The following CEP78 variants were observed in gnomAD, a reference collection of about 807,000 sequenced individuals.
CEP78 encodes the protein centrosomal protein of 78 kDa.
CEP78 carries 76 observed loss-of-function variants against 81.2 expected under a neutral mutation model. The ratio of observed to expected loss-of-function variants is 0.94; its 90% CI spans 0.78 to 1.13. The LOEUF (loss-of-function observed/expected upper bound fraction) is 1.13. Ranked by LOEUF, CEP78 falls within the 50% of genes most tolerant of loss-of-function variation. CEP78 has a pLI of 0.00. For synonymous variants in CEP78, 293 were observed against 301.4 expected, an observed-to-expected ratio of 0.97 and a Z score of 0.29; for missense variants, 918 against 846.8, an observed-to-expected ratio of 1.08 and a Z score of -1.04.
chr9:78,257,817 T>G (rs1827109293), intron 11 of CEP78, among the ~76,000 whole-genome samples: 1 of 152,162 alleles, frequency 6.6e-6, no homozygotes, highest in African/African-American at 2.4e-5. Context: ...CCAGAACACT[T>G]TTCAATAGTG....
chr9:78,243,126 G>T (rs962023788), intron 4 of CEP78, among the ~76,000 whole-genome samples: 3 of 152,092 alleles, frequency 2.0e-5, no homozygotes, highest in Admixed American at 6.5e-5. Context: ...TGATTTAGAG[G>T]CTCAGCAATG....
At chr9:78,240,438 T>G in intron 3 of CEP78, 74 bp downstream of exon 3, 1 of 1,240,768 alleles carries the variant, frequency 8.1e-7, no homozygotes, top group Non-Finnish European at 1.2e-6. Context: ...TGTTAATTCC[T>G]GTCTGTACCT....
rs138031272 is a variant in CEP78 at position 78,268,327 on chromosome 9, T to C, written c.2107+1624T>C. Among the ~76,000 whole-genome samples the C allele has an allele frequency of 3.3e-5, 5 of 152,220 alleles. No individual in the cohort carries two copies. The East Asian group carries it at 9.7e-4, about 29-fold the overall frequency. ...GCGTTTGAGGAACCACAAACACAAG[T>C]AGTTGAGAGTTACCGAAATGTCATC... On this transcript the variant is annotated intron_variant, in intron 16 of 16. Transcript: ENST00000643273.
chr9:78,250,124 AAAAC>A (rs1250460582), intron 8 of CEP78: 6 of 394,766 alleles, frequency 1.5e-5, no homozygotes, highest in Admixed American at 4.4e-5. Flanking sequence ...ATGAGAATAA[AAAAC>A]AAAAATCTTT....
chr9:78,269,888 G>T (rs1827653967), intron 16 of CEP78, among the ~76,000 whole-genome samples: 2 of 152,192 alleles, frequency 1.3e-5, no homozygotes, highest in East Asian at 3.9e-4. Flanking sequence ...TATGCAGCAG[G>T]ATCTCAGACA....
chr9:78,236,135 G>C lies in CEP78; in HGVS notation c.-216G>C. 1.8e-6 allele frequency: 1 copy of C among 550,234 alleles called. No homozygotes were observed. The highest frequency in any genetic ancestry group is 2.2e-5 in the South Asian group (1 of 45,662). The allele number at this position is 550,234 out of a possible 1,614,324, so 34.1% of individuals were successfully genotyped here. ...GGGCGCCAACTGCTTGGGCCGCAGG[G>C]CGGGAGGCAGCGCGGGAGTGGGGCG... On this transcript the variant is annotated 5_prime_UTR_variant, in exon 1 of 17. Coordinates refer to ENST00000643273, the MANE Select transcript of CEP78 (RefSeq NM_001330691.3).
chr9:78,247,591 A>T (rs1488373858), intron 6 of CEP78, among the ~76,000 whole-genome samples: 1 of 152,130 alleles, frequency 6.6e-6, no homozygotes, highest in Non-Finnish European at 1.5e-5. Context: ...ATGAGCTGAA[A>T]ACCATGGGAG....
intron 9 of CEP78, among the ~76,000 whole-genome samples, chr9:78,252,558 G>T (rs777044117): frequency 6.6e-6 from 1 of 152,138 alleles, no homozygotes; most frequent in Non-Finnish European, 1.5e-5. Context: ...TGTCAGAAAA[G>T]TCTTTTAAAA....
intron 5 of CEP78, among the ~76,000 whole-genome samples, chr9:78,245,608 C>T (rs930196501): frequency 3.9e-5 from 6 of 152,136 alleles, no homozygotes; most frequent in East Asian, 1.9e-4. Context: ...ATGGTATACA[C>T]GTGCTTTTGC....
At position 78,246,695 on chromosome 9, in the gene CEP78, A is replaced by T. The variant is rs1826501109; in HGVS notation, c.805A>T (p.Thr269Ser). 2 of 1,610,300 alleles carry T rather than the reference A, an allele frequency of 1.2e-6. No homozygotes were observed. The highest frequency in any genetic ancestry group is 1.7e-6 in the Non-Finnish European group (2 of 1,178,278). The change falls in exon 6 of 17, where the codon ACC (threonine) becomes TCC (serine). Residue 269 changes from threonine to serine, a missense_variant. Thr to Ser is a moderately conservative substitution (Grantham distance 58). Coordinates refer to ENST00000643273, the MANE Select transcript of CEP78 (RefSeq NM_001330691.3). ...RALDLQQCGL[T>S]NEGAKALLEA... Reference sequence around the variant, plus strand: ...TCTTGACCTGCAACAGTGCGGCCTCACCAATGAAGGAGCAAAGGCTTTGCT... The same window carrying T: ...TCTTGACCTGCAACAGTGCGGCCTCTCCAATGAAGGAGCAAAGGCTTTGCT...
intron 11 of CEP78, among the ~76,000 whole-genome samples, chr9:78,260,285 C>G (rs963091807): frequency 3.3e-5 from 5 of 152,098 alleles, no homozygotes; most frequent in Non-Finnish European, 5.9e-5. Context: ...GAGAACAAAA[C>G]CTTCATGCTT....
intron 5 of CEP78, among the ~76,000 whole-genome samples, chr9:78,245,153 TAGTC>T (rs1470863730): frequency 5.9e-5 from 9 of 151,920 alleles, no homozygotes; most frequent in Admixed American, 2.0e-4. Context: ...TGTGGTGTCT[TAGTC>T]AGTTAGGGCT....
At chr9:78,252,141 G>A in intron 9 of CEP78, 98 bp downstream of exon 9, 1 of 1,108,364 alleles carries the variant, frequency 9.0e-7, no homozygotes, top group Non-Finnish European at 1.2e-6. Context: ...GCTTATGTCT[G>A]TAGGGTAAAA....
rs184772664 is a variant in CEP78 at position 78,262,122 on chromosome 9, C to T, written c.1381-785C>T. ...CTTATGGACCATCTCCCAAGAAAAACGACCATTCATTAACTCTGGTTAAGA... is the reference window on the plus strand; with the variant it reads ...CTTATGGACCATCTCCCAAGAAAAATGACCATTCATTAACTCTGGTTAAGA... On this transcript the variant is annotated intron_variant, in intron 11 of 16. Transcript: ENST00000643273. 2.5e-3 allele frequency among the ~76,000 whole-genome samples: 384 copies of T among 152,102 alleles called. 2 individuals carry two copies. The highest frequency in any genetic ancestry group is 8.6e-3 in the African/African-American group (357 of 41,494).
chr9:78,256,538 T>A (rs987140540), intron 11 of CEP78, among the ~76,000 whole-genome samples: 11 of 143,284 alleles, frequency 7.7e-5, no homozygotes, highest in African/African-American at 2.6e-4. Flanking sequence ...TTTTTTTTTT[T>A]TTTTTTTTTT....
rs201701951 is a variant in CEP78 at position 78,243,491 on chromosome 9, C to G, written c.633C>G (p.Thr211=). The G allele has an allele frequency of 5.5e-5, 88 of 1,612,902 alleles. No homozygotes were observed. Among genetic ancestry groups the G allele is most frequent in the South Asian group, 1.9e-4 (17 of 90,922 alleles). ...AGACCATGAGAAGGCATGAAGAAAC[C>G]TGGGCTGAGAGTCTTCGCTATAGGA... ...KYQTMRRHEE[T]WAESLRYRRP... The change falls in exon 5 of 17, where the codon ACC becomes ACG. Residue 211 remains threonine (T), a synonymous_variant. Coordinates refer to ENST00000643273, the MANE Select transcript of CEP78 (RefSeq NM_001330691.3).
Position 78,270,894 on chromosome 9 carries a change from G to C in CEP78, c.*43G>C, listed in dbSNP as rs2118527040. 1.5e-6 allele frequency: 1 copy of C among 664,624 alleles called. No homozygotes were observed. The highest frequency in any genetic ancestry group is 1.7e-5 in the South Asian group (1 of 58,680). 41.2% of individuals were successfully genotyped at this position (664,624 alleles called of 1,614,324 possible). A position where few individuals can be genotyped will look rare whatever the true frequency, so the allele number is the denominator to read the frequency against. On this transcript the variant is annotated 3_prime_UTR_variant, in exon 17 of 17. Coordinates refer to ENST00000643273, the MANE Select transcript of CEP78 (RefSeq NM_001330691.3). ...TAAAATAAAAATAATAGCAGAGTTG[G>C]AAAACCAGAAATTTGAACAGTGAAA... is the stretch of plus-strand genomic sequence containing the variant.
In CEP78 at chr9:78,265,360, T is replaced by A. The variant is rs776585376; in HGVS notation, c.1626-12T>A. On this transcript the variant is annotated splice_polypyrimidine_tract_variant and intron_variant, in intron 13 of 16. Transcript: ENST00000643273. Reference sequence around the variant, plus strand: ...AATCCTTGCCTTTTCCTCCTTTTCTTCTCTCGACCAGGCTTGGGCAGCTTG... The same window carrying A: ...AATCCTTGCCTTTTCCTCCTTTTCTACTCTCGACCAGGCTTGGGCAGCTTG... The A allele has an allele frequency of 2.6e-6, 4 of 1,567,922 alleles. No individual in the cohort carries two copies. The Admixed American group carries it at 8.1e-5, about 32-fold the overall frequency.
chr9:78,253,578 CA>C (rs1027941806), intron 10 of CEP78: 40 of 293,078 alleles, frequency 1.4e-4, no homozygotes, highest in Middle Eastern at 1.1e-3. Context: ...ATGGAGCTAT[CA>C]TAGTCAAGAA....
Sources: allele counts gnomAD v4.1 joint callset (sites outside exome capture counted in the v4.1 genomes callset), GRCh38; gene constraint gnomAD v4.1.1; transcripts MANE v1.5; gene names NCBI Gene and HGNC (gene_info 2026-07-23, HGNC 2026-07-21).